The following SPATS2 variants were observed in gnomAD, a reference collection of about 807,000 sequenced individuals.
The protein encoded by SPATS2 is spermatogenesis-associated serine-rich protein 2.
In SPATS2, 38 loss-of-function variants were observed where a neutral mutation model predicts 63.7. The ratio of observed to expected loss-of-function variants is 0.60; its 90% CI spans 0.46 to 0.78. The LOEUF is 0.78. Ranked by LOEUF, SPATS2 falls within the 30% of genes least tolerant of loss-of-function variation. SPATS2 has a pLI of 0.00. For synonymous variants in SPATS2, 207 were observed against 232.9 expected, an observed-to-expected ratio of 0.89 and a Z score of 1.01; for missense variants, 588 against 666.2, an observed-to-expected ratio of 0.88 and a Z score of 1.29.
At chr12:49,523,575 G>A (rs1475262480) in intron 12 of SPATS2, among the ~76,000 whole-genome samples, 1 of 152,166 alleles carries the variant, frequency 6.6e-6, no homozygotes, top group Non-Finnish European at 1.5e-5. Flanking sequence ...TAAAGGATAG[G>A]GGAGTGCCTG....
intron 2 of SPATS2, among the ~76,000 whole-genome samples, chr12:49,447,598 A>C (rs997505798): frequency 6.6e-6 from 1 of 152,234 alleles, no homozygotes; most frequent in Non-Finnish European, 1.5e-5. Flanking sequence ...TAAATATTTG[A>C]TAAGACACAA....
upstream of SPATS2, chr12:49,367,270 T>TCTGG (rs1943913513): frequency 6.0e-6 from 2 of 331,364 alleles, no homozygotes; most frequent in Admixed American, 4.9e-5. Flanking sequence ...CGCCCTGAGC[T>TCTGG]CTGGCTGGCT....
At chr12:49,381,359 T>C (rs1944218521) in intron 2 of SPATS2, among the ~76,000 whole-genome samples, 1 of 152,208 alleles carries the variant, frequency 6.6e-6, no homozygotes, top group African/African-American at 2.4e-5. Flanking sequence ...TTGCCACATG[T>C]GGCCTGAATT....
chr12:49,466,326 CT>C (rs1945914825), intron 3 of SPATS2, among the ~76,000 whole-genome samples: 1 of 151,986 alleles, frequency 6.6e-6, no homozygotes, highest in South Asian at 2.1e-4. Context: ...CCACGCCCGG[CT>C]AATTTTTGTA....
intron 2 of SPATS2, among the ~76,000 whole-genome samples, chr12:49,415,802 G>T (rs1944879362): frequency 1.3e-5 from 2 of 152,056 alleles, no homozygotes; most frequent in African/African-American, 4.8e-5. Flanking sequence ...TAAACTAATA[G>T]GTATGGCTGT....
chr12:49,389,178 G>C (rs1944373012), intron 2 of SPATS2, among the ~76,000 whole-genome samples: 1 of 152,072 alleles, frequency 6.6e-6, no homozygotes, highest in South Asian at 2.1e-4. Context: ...AAGTTGGAAG[G>C]ACCCCGCCCA....
chr12:49,376,958 C>T (rs1271313521), intron 2 of SPATS2, among the ~76,000 whole-genome samples: 4 of 152,188 alleles, frequency 2.6e-5, no homozygotes, highest in East Asian at 3.9e-4. Flanking sequence ...CCTTGTGATC[C>T]GCCTGCCTTG....
intron 2 of SPATS2, among the ~76,000 whole-genome samples, chr12:49,438,676 A>C (rs755611612): frequency 1.3e-5 from 2 of 152,218 alleles, no homozygotes; most frequent in Non-Finnish European, 2.9e-5. Flanking sequence ...CAATAATGTT[A>C]AGTCTCTCCT....
At chr12:49,420,352 G>C (rs1016096304) in intron 2 of SPATS2, among the ~76,000 whole-genome samples, 1 of 152,314 alleles carries the variant, frequency 6.6e-6, no homozygotes, top group East Asian at 1.9e-4. Context: ...CCAGCAATTT[G>C]GGAGGCCGCG....
intron 3 of SPATS2, among the ~76,000 whole-genome samples, chr12:49,467,044 G>GTTTTTTTTTTTT (rs59350335): frequency 4.0e-5 from 3 of 75,768 alleles, no homozygotes; most frequent in African/African-American, 1.0e-4. Context: ...TTTGTTCTTT[G>GTTTTTTTTTTTT]TTTTTTTTTT....
At chr12:49,494,090 A>C (rs552835301) in intron 6 of SPATS2, among the ~76,000 whole-genome samples, 1 of 152,340 alleles carries the variant, frequency 6.6e-6, no homozygotes, top group Non-Finnish European at 1.5e-5. Flanking sequence ...TCTCATCTTG[A>C]ATAAATTCCT....
intron 3 of SPATS2, among the ~76,000 whole-genome samples, chr12:49,481,221 G>A (rs1047536031): frequency 2.0e-5 from 3 of 152,052 alleles, no homozygotes; most frequent in South Asian, 2.1e-4. Context: ...TTAGCCAGGC[G>A]TGGTAGCGCG....
rs369055916 is a variant in SPATS2, at chr12:49,467,882, T to C, written c.25+6845T>C. Reference sequence around the variant, plus strand: ...CTGAGTAGCTGGGACTACAGGCACCTGCCACCACGCCCGGCTAATTTTTTG... The same window carrying C: ...CTGAGTAGCTGGGACTACAGGCACCCGCCACCACGCCCGGCTAATTTTTTG... On this transcript the variant is annotated intron_variant, in intron 3 of 13. Transcript: ENST00000552918. 4.7e-4 allele frequency among the ~76,000 whole-genome samples: 72 copies of C among 151,630 alleles called. No homozygotes were observed. The South Asian group carries it at 0.012, about 26-fold the overall frequency.
chr12:49,496,980 A>C lies in SPATS2; in HGVS notation c.674A>C (p.Asp225Ala), dbSNP rs764764954. Reference sequence around the variant, plus strand: ...CAGTTTTCAAATATGGGGATGGAAGATGTTCCCCTCGCCACCAGTAAAAAG... The same window carrying C: ...CAGTTTTCAAATATGGGGATGGAAGCTGTTCCCCTCGCCACCAGTAAAAAG... Reference protein sequence around the residue: ...ETQFSNMGMEDVPLATSKKLS... With the variant: ...ETQFSNMGMEAVPLATSKKLS... The change falls in exon 8 of 14, where the codon GAT (aspartate) becomes GCT (alanine). Residue 225 changes from aspartate (D) to alanine (A), a missense_variant. By Grantham distance (126) the Asp-to-Ala change is moderately radical (BLOSUM62 -2). Coordinates refer to ENST00000552918, the MANE Select transcript of SPATS2 (RefSeq NM_023071.4). 1.3e-6 allele frequency: 2 copies of C among 1,584,396 alleles called. No individual in the cohort carries two copies. The highest frequency in any genetic ancestry group is 2.7e-5 in the African/African-American group (2 of 72,994).
intron 3 of SPATS2, among the ~76,000 whole-genome samples, chr12:49,464,988 A>G (rs971511250): frequency 2.0e-5 from 3 of 152,182 alleles, no homozygotes; most frequent in African/African-American, 7.2e-5. Flanking sequence ...CAATATAGAT[A>G]TTATGTCTGG....
chr12:49,504,397 G>A (rs1470730547), intron 9 of SPATS2, among the ~76,000 whole-genome samples: 1 of 152,114 alleles, frequency 6.6e-6, no homozygotes, highest in Non-Finnish European at 1.5e-5. Flanking sequence ...AGTAATATTT[G>A]TCTGCCTTTC....
At chr12:49,504,483 A>G in intron 9 of SPATS2, among the ~76,000 whole-genome samples, 1 of 152,220 alleles carries the variant, frequency 6.6e-6, no homozygotes, top group East Asian at 1.9e-4. Context: ...TGAAGCTAGA[A>G]TATATAAACT....
At chr12:49,405,583 C>T (rs2137323016) in intron 2 of SPATS2, among the ~76,000 whole-genome samples, 1 of 152,220 alleles carries the variant, frequency 6.6e-6, no homozygotes, top group Non-Finnish European at 1.5e-5. Context: ...CCTGTAATCC[C>T]AGCTACTTGG....
chr12:49,399,990 C>G (rs944730714), intron 2 of SPATS2, among the ~76,000 whole-genome samples: 8 of 152,150 alleles, frequency 5.3e-5, no homozygotes, highest in African/African-American at 1.7e-4. Context: ...GAGCAGCGAT[C>G]ACGCCACTGC....
Sources: gnomAD v4.1 joint callset for allele counts (sites outside exome capture counted in the v4.1 genomes callset) on GRCh38, gnomAD v4.1.1 for gene constraint, MANE v1.5 for transcripts, NCBI Gene and HGNC (gene_info 2026-07-23, HGNC 2026-07-21) for gene names.